The following COX7A2L variants were observed in gnomAD, a reference collection of about 807,000 sequenced individuals.
The protein encoded by COX7A2L is cytochrome c oxidase subunit 7A2-like, mitochondrial.
COX7A2L carries 18 observed loss-of-function variants against 14.2 expected under a neutral mutation model. The ratio of observed to expected loss-of-function variants is 1.27; its 90% CI spans 0.88 to 1.88. The LOEUF is 1.88. Ranked by LOEUF, COX7A2L falls within the 40% of genes most tolerant of loss-of-function variation. The pLI is 0.00. For synonymous variants in COX7A2L, 65 were observed against 57.4 expected (o/e 1.13, Z -0.60); for missense variants, 179 against 138.8 (o/e 1.29, Z -1.46).
chr2:42,350,104 G>A lies in COX7A2L; in HGVS notation c.*1115C>T, dbSNP rs958700737. The A allele has an allele frequency of 6.6e-6, 1 of 152,176 alleles. No homozygotes were observed. The highest frequency in any genetic ancestry group is 1.5e-5 in the Non-Finnish European group (1 of 68,038). 9.4% of individuals were successfully genotyped at this position (152,176 alleles called of 1,614,324 possible). A position where few individuals can be genotyped will look rare whatever the true frequency, so the allele number is the denominator to read the frequency against. ...GATATCACTGCAAGGCTACTATTGA[G>A]TATTTTCAAATCACCACATCTTATC... On this transcript the variant is annotated 3_prime_UTR_variant, in exon 3 of 3. Coordinates refer to ENST00000234301, the MANE Select transcript of COX7A2L (RefSeq NM_004718.4).
At chr2:42,348,881 G>A (rs1211151274), downstream of COX7A2L, among the ~76,000 whole-genome samples, 1 of 151,870 alleles carries the variant, frequency 6.6e-6, no homozygotes, top group Non-Finnish European at 1.5e-5. Flanking sequence ...TCACGTCACT[G>A]CTCTCCAGCC....
At chr2:42,340,893 C>T (rs1050335168) in intron 2 of COX7A2L, among the ~76,000 whole-genome samples, 3 of 152,206 alleles carry the variant, frequency 2.0e-5, no homozygotes, top group African/African-American at 7.2e-5. Context: ...ATTTGTGCTT[C>T]AAGAGCTACT....
downstream of COX7A2L, among the ~76,000 whole-genome samples, chr2:42,347,462 TA>T (rs1286147401): frequency 6.6e-6 from 1 of 152,050 alleles, no homozygotes; most frequent in East Asian, 1.9e-4. Context: ...GTCATATTTA[TA>T]AAAGCAAAAA....
downstream of COX7A2L, among the ~76,000 whole-genome samples, chr2:42,347,740 G>A (rs528444039): frequency 6.2e-4 from 95 of 152,276 alleles, 1 homozygote; most frequent in Middle Eastern, 3.4e-3. Context: ...TGACCAACCC[G>A]GAGAAACCCC....
chr2:42,350,160 G>T lies in COX7A2L; in HGVS notation c.*1059C>A, dbSNP rs189618859. 1.4e-4 allele frequency: 21 copies of T among 152,208 alleles called. No homozygotes were observed. The highest frequency in any genetic ancestry group is 7.8e-4 in the Admixed American group (12 of 15,288). 9.4% of individuals were successfully genotyped at this position (152,208 alleles called of 1,614,324 possible). On this transcript the variant is annotated 3_prime_UTR_variant, in exon 3 of 3. Coordinates refer to ENST00000234301, the MANE Select transcript of COX7A2L (RefSeq NM_004718.4). The stretch of plus-strand genomic sequence containing the variant: ...CAAGAGGTCACTGTTCTGTGCTATG[G>T]TAAGATACAAACTATTCCTTCATAT...
At chr2:42,353,071 C>G in intron 2 of COX7A2L, 141 bp downstream of exon 2, 1 of 1,060,332 alleles carries the variant, frequency 9.4e-7, no homozygotes, top group Non-Finnish European at 1.3e-6. Flanking sequence ...TCGTTTATGG[C>G]TCAAACTAAA....
chr2:42,348,036 T>C (rs1365638211), downstream of COX7A2L, among the ~76,000 whole-genome samples: 3 of 152,146 alleles, frequency 2.0e-5, no homozygotes, highest in Admixed American at 1.3e-4. Flanking sequence ...TGTCACAAGG[T>C]AGGGAGGTGA....
At chr2:42,364,276 C>T (rs1182421786), upstream of COX7A2L, among the ~76,000 whole-genome samples, 2 of 140,508 alleles carry the variant, frequency 1.4e-5, no homozygotes, top group African/African-American at 5.4e-5. Flanking sequence ...AAAAAATTGA[C>T]AGTGGGTCTG....
At chr2:42,352,142 T>A (rs1015797562) in intron 2 of COX7A2L, among the ~76,000 whole-genome samples, 8 of 152,218 alleles carry the variant, frequency 5.3e-5, no homozygotes, top group Admixed American at 2.6e-4. Flanking sequence ...CATTTAATAA[T>A]CAAATTCCAT....
chr2:42,337,820 C>T (rs1670315009), intron 2 of COX7A2L, among the ~76,000 whole-genome samples: 1 of 152,194 alleles, frequency 6.6e-6, no homozygotes, highest in African/African-American at 2.4e-5. Flanking sequence ...ATGAGCCTTA[C>T]TACCACGAAG....
chr2:42,336,989 A>G (rs1670291177), intron 2 of COX7A2L, among the ~76,000 whole-genome samples: 1 of 152,244 alleles, frequency 6.6e-6, no homozygotes, highest in Non-Finnish European at 1.5e-5. Flanking sequence ...AAAGGTTGTA[A>G]AAACAAACTT....
intron 1 of COX7A2L, 149 bp downstream of exon 1, chr2:42,360,941 G>A: frequency 1.3e-6 from 1 of 766,624 alleles, no homozygotes; most frequent in South Asian, 1.5e-5. Flanking sequence ...ACCGTACGCT[G>A]GTGTGGAGAG....
In COX7A2L at chr2:42,342,793, G is replaced by A. The variant is rs530158791; in HGVS notation, c.193-8924C>T. ...AGAATGCTCTTCCTGGCCATTCAGCGCCCCCCGTTTCGGGTTTTGCAGCAG... is the reference window on the plus strand; with the variant it reads ...AGAATGCTCTTCCTGGCCATTCAGCACCCCCCGTTTCGGGTTTTGCAGCAG... On this transcript the variant is annotated intron_variant, in intron 2 of 2. Coordinates refer to the COX7A2L transcript ENST00000468711. The surrounding 1 kb of genome is among the most constrained non-coding windows in gnomAD (Gnocchi z 4.9). Among the ~76,000 whole-genome samples, 26 of 152,068 alleles carry A rather than the reference G, an allele frequency of 1.7e-4. No homozygotes were observed. Among genetic ancestry groups the A allele is most frequent in the Admixed American group, 1.1e-3 (17 of 15,280 alleles).
intron 2 of COX7A2L, among the ~76,000 whole-genome samples, chr2:42,343,302 C>T (rs1243029607): frequency 2.0e-5 from 3 of 152,220 alleles, no homozygotes; most frequent in African/African-American, 7.2e-5. Context: ...CGTTTGCTAG[C>T]CATGTGGTCT....
chr2:42,338,763 A>G lies in COX7A2L; in HGVS notation c.193-4894T>C, dbSNP rs1670340164. Among the ~76,000 whole-genome samples, 1 of 152,182 alleles carries G rather than the reference A, an allele frequency of 6.6e-6. No homozygotes were observed. Among genetic ancestry groups the G allele is most frequent in the South Asian group, 2.1e-4 (1 of 4,824 alleles). ...GGAAACAGTTTTCACTCACAGGGAG[A>G]ATTACTGCTTCCCATGAAAGCATTT... On this transcript the variant is annotated intron_variant, in intron 2 of 2. Coordinates refer to the COX7A2L transcript ENST00000468711. The surrounding 1 kb of genome is among the most constrained non-coding windows in gnomAD (Gnocchi z 4.4).
At chr2:42,346,055 T>C (rs1222979034), downstream of COX7A2L, among the ~76,000 whole-genome samples, 3 of 152,106 alleles carry the variant, frequency 2.0e-5, no homozygotes, top group Admixed American at 6.5e-5. Flanking sequence ...CATCCAAGAA[T>C]AGGGCAGCCT....
chr2:42,351,287 GC>G lies in COX7A2L; in HGVS notation c.276del (p.Leu93Ter). The G allele has an allele frequency of 1.9e-6, 3 of 1,614,198 alleles. No homozygotes were observed. The highest frequency in any genetic ancestry group is 2.5e-6 in the Non-Finnish European group (3 of 1,180,042). The part of the protein sequence containing the change: ...PDQMLYRTTM[A>X]LTVGGTIYCL... The stretch of plus-strand genomic sequence containing the variant: ...CAGTAGATGGTCCCTCCCACAGTCA[GC>G]GCCATGGTGGTCCGGTAAAGCATTT... On this transcript the variant is annotated frameshift_variant, in exon 3 of 3. Transcript: ENST00000234301. LOFTEE classifies it high-confidence loss of function.
In COX7A2L at chr2:42,351,252, G is replaced by T. The variant is rs778980599; in HGVS notation, c.312C>A (p.Ala104=). 2.1e-5 allele frequency: 34 copies of T among 1,614,126 alleles called. No homozygotes were observed. The highest frequency in any genetic ancestry group is 2.9e-5 in the Non-Finnish European group (34 of 1,180,016). The change falls in exon 3 of 3, where the codon GCC becomes GCA. Residue 104 remains alanine, a synonymous_variant. Coordinates refer to ENST00000234301, the MANE Select transcript of COX7A2L (RefSeq NM_004718.4). ...TVGGTIYCLI[A]LYMASQPKNK Reference sequence around the variant, plus strand: ...TTTTGGGCTGCGAAGCCATGTAGAGGGCGATCAGGCAGTAGATGGTCCCTC... The same window carrying T: ...TTTTGGGCTGCGAAGCCATGTAGAGTGCGATCAGGCAGTAGATGGTCCCTC...
At chr2:42,360,822 C>A in intron 1 of COX7A2L, 1 of 499,436 alleles carries the variant, frequency 2.0e-6, no homozygotes, top group Non-Finnish European at 3.6e-6. Flanking sequence ...CCCTTTTAGA[C>A]AAGTGACCCC....
Sources: allele counts gnomAD v4.1 joint callset (sites outside exome capture counted in the v4.1 genomes callset), GRCh38; gene constraint gnomAD v4.1.1; non-coding constraint Gnocchi (gnomAD v3.1); transcripts MANE v1.5; gene names NCBI Gene and HGNC (gene_info 2026-07-23, HGNC 2026-07-21).